The following CFAP20DC variants were observed in gnomAD, a reference collection of about 807,000 sequenced individuals.
CFAP20DC encodes protein CFAP20DC.
Under a neutral mutation model 101.7 loss-of-function variants are expected in CFAP20DC, and 84 were observed. That is an observed-to-expected ratio of 0.83 (90% CI 0.69 to 0.99). The LOEUF (loss-of-function observed/expected upper bound fraction) is 0.99, where lower values mean the gene tolerates loss of function less well. CFAP20DC is among the 50% of genes least tolerant of loss of function. The probability of loss-of-function intolerance (pLI) is 0.00; values close to 1 mark genes in which losing one functional copy is unlikely to be tolerated. For missense variants in CFAP20DC, 1,007 were observed against 970.3 expected, an observed-to-expected ratio of 1.04 and a Z score of -0.50; for synonymous variants, 359 against 351.2, an observed-to-expected ratio of 1.02 and a Z score of -0.25.
intron 5 of CFAP20DC, among the ~76,000 whole-genome samples, chr3:58,935,196 C>G (rs1478112275): frequency 1.3e-5 from 2 of 152,110 alleles, no homozygotes; most frequent in African/African-American, 4.8e-5. Context: ...GAAGAAAACA[C>G]CTAGGAATCC....
chr3:59,048,751 T>C (rs1700075267), intron 1 of CFAP20DC, among the ~76,000 whole-genome samples: 1 of 152,082 alleles, frequency 6.6e-6, no homozygotes, highest in Non-Finnish European at 1.5e-5. Flanking sequence ...GGTAGAGAAC[T>C]GATTAGATAC....
At chr3:58,928,216 C>T (rs943264630) in intron 5 of CFAP20DC, among the ~76,000 whole-genome samples, 2 of 152,122 alleles carry the variant, frequency 1.3e-5, no homozygotes, top group Non-Finnish European at 2.9e-5. Context: ...CTGGGGAAAA[C>T]AGACAAGTAA....
chr3:58,816,510 G>A (rs368326603), intron 14 of CFAP20DC, among the ~76,000 whole-genome samples: 3 of 152,164 alleles, frequency 2.0e-5, no homozygotes, highest in East Asian at 1.9e-4. Flanking sequence ...TTCCCTTTCC[G>A]AGTCAAAGAA....
intron 4 of CFAP20DC, chr3:58,953,575 G>C (rs920105419): frequency 1.3e-5 from 2 of 152,096 alleles, no homozygotes; most frequent in Admixed American, 1.3e-4. Context: ...TTGGCTTTGG[G>C]GGGAAAACAA....
At position 58,721,216 on chromosome 3, in the gene CFAP20DC, G is replaced by A. The variant is rs143745916; in HGVS notation, c.198-3588C>T. Reference sequence around the variant, plus strand: ...CTAACACAGCGTCCGGTGGATAGGAGGTACTCAATCACTATATAAATATGT... The same window carrying A: ...CTAACACAGCGTCCGGTGGATAGGAAGTACTCAATCACTATATAAATATGT... On this transcript the variant is annotated intron_variant, in intron 3 of 3. Transcript: ENST00000486145. The surrounding 1 kb of genome is among the most constrained non-coding windows in gnomAD (Gnocchi z 5.2). 1.2e-4 allele frequency among the ~76,000 whole-genome samples: 18 copies of A among 152,270 alleles called. No homozygotes were observed. The highest frequency in any genetic ancestry group is 3.6e-4 in the African/African-American group (15 of 41,546).
chr3:58,938,176 T>C (rs2087975412), intron 4 of CFAP20DC, among the ~76,000 whole-genome samples: 1 of 152,188 alleles, frequency 6.6e-6, no homozygotes, highest in Non-Finnish European at 1.5e-5. Flanking sequence ...TAAAAATGCA[T>C]CTGTCATTTT....
At chr3:58,840,841 T>C (rs1431900788) in intron 13 of CFAP20DC, among the ~76,000 whole-genome samples, 1 of 152,212 alleles carries the variant, frequency 6.6e-6, no homozygotes, top group Non-Finnish European at 1.5e-5. Context: ...ATTTTCTCCA[T>C]TTTATAGATG....
chr3:58,803,411 T>A (rs2073846815), intron 15 of CFAP20DC, among the ~76,000 whole-genome samples: 1 of 152,228 alleles, frequency 6.6e-6, no homozygotes, highest in African/African-American at 2.4e-5. Context: ...TTTCTTATAT[T>A]TTTTCATATT....
At chr3:58,787,689 C>T (rs4301027) in intron 15 of CFAP20DC, among the ~76,000 whole-genome samples, 17,621 of 151,984 alleles carry the variant, frequency 0.12, 1,813 homozygotes, top group East Asian at 0.35. Context: ...GATGCACATG[C>T]ATGTTTATTG....
At chr3:58,908,486 A>G (rs918410891) in intron 6 of CFAP20DC, among the ~76,000 whole-genome samples, 1 of 152,186 alleles carries the variant, frequency 6.6e-6, no homozygotes, top group Non-Finnish European at 1.5e-5. Flanking sequence ...GAAATATCCA[A>G]AACAGTGACA....
In CFAP20DC at chr3:59,003,941, T is replaced by C. The variant is rs185276892; in HGVS notation, c.278+35616A>G. Among the ~76,000 whole-genome samples, 565 of 152,304 alleles carry C rather than the reference T, an allele frequency of 3.7e-3. 3 individuals are homozygous for C. The highest frequency in any genetic ancestry group is 5.4e-3 in the Non-Finnish European group (365 of 68,014). On this transcript the variant is annotated intron_variant, in intron 4 of 16. Coordinates refer to ENST00000482387, the MANE Select transcript of CFAP20DC (RefSeq NM_001394063.1). ...AGAAGGAGCTCTCCTAACAGACCCA[T>C]TGGATTAATGGACACTCTTCTCTTT...
intron 14 of CFAP20DC, among the ~76,000 whole-genome samples, chr3:58,826,560 GT>G (rs1233321125): frequency 6.6e-6 from 1 of 152,134 alleles, no homozygotes; most frequent in Non-Finnish European, 1.5e-5. Context: ...GCAGTGTTTG[GT>G]TTTCTGTTCC....
At position 58,859,065 on chromosome 3, in the gene CFAP20DC, A is replaced by G. The variant is rs146526372; in HGVS notation, c.1593+4493T>C. On this transcript the variant is annotated intron_variant, in intron 12 of 16. Coordinates refer to ENST00000482387, the MANE Select transcript of CFAP20DC (RefSeq NM_001394063.1). This position sits in a 1 kb window ranked among gnomAD's most constrained non-coding sequence, Gnocchi z 4.1. The stretch of plus-strand genomic sequence containing the variant: ...TGTAGCAAATGATGAAAGTAATACA[A>G]TTTCCTCTGGGTGACAAAGATAAGT... Among the ~76,000 whole-genome samples, 110 of 152,300 alleles carry G rather than the reference A, an allele frequency of 7.2e-4. No individual in the cohort carries two copies. Among genetic ancestry groups the G allele is most frequent in the Non-Finnish European group, 1.1e-3 (75 of 68,010 alleles).
chr3:58,764,674 T>G (rs554417909), intron 15 of CFAP20DC, among the ~76,000 whole-genome samples: 1 of 152,316 alleles, frequency 6.6e-6, no homozygotes, highest in South Asian at 2.1e-4. Context: ...CACCCGACTA[T>G]AATCCTTTTA....
intron 4 of CFAP20DC, among the ~76,000 whole-genome samples, chr3:58,983,033 C>A (rs1054684105): frequency 6.6e-6 from 1 of 151,796 alleles, no homozygotes; most frequent in African/African-American, 2.4e-5. Context: ...AGGGTCTGAA[C>A]AGAAAAAGGA....
At chr3:58,754,294 A>T (rs1480861166) in intron 15 of CFAP20DC, among the ~76,000 whole-genome samples, 1 of 152,154 alleles carries the variant, frequency 6.6e-6, no homozygotes, top group African/African-American at 2.4e-5. Flanking sequence ...TCAGTCTTGG[A>T]GCTGCCATGG....
In CFAP20DC at chr3:58,915,233, G is replaced by A. The variant is rs368632328; in HGVS notation, c.394-1369C>T. ...TGGTCCCTGTCAGTCATCTAAACAC[G>A]AAGTGAGGAGGGCTGGCTAGGAAGC... On this transcript the variant is annotated intron_variant, in intron 5 of 16. Transcript: ENST00000482387. 5.3e-5 allele frequency among the ~76,000 whole-genome samples: 8 copies of A among 152,236 alleles called. No homozygotes were observed. The South Asian group carries it at 8.3e-4, about 16-fold the overall frequency.
intron 5 of CFAP20DC, among the ~76,000 whole-genome samples, chr3:58,935,593 A>G (rs2087448046): frequency 1.3e-5 from 2 of 152,178 alleles, no homozygotes; most frequent in African/African-American, 4.8e-5. Flanking sequence ...TCAATGGAAT[A>G]GAACAGAGCC....
intron 5 of CFAP20DC, among the ~76,000 whole-genome samples, chr3:58,919,330 A>T (rs2085087812): frequency 6.6e-6 from 1 of 152,078 alleles, no homozygotes; most frequent in South Asian, 2.1e-4. Context: ...TGTTTTGAAC[A>T]GTTAGATTAT....
Sources: gnomAD v4.1 joint callset for allele counts (sites outside exome capture counted in the v4.1 genomes callset) on GRCh38, gnomAD v4.1.1 for gene constraint, Gnocchi (gnomAD v3.1) non-coding constraint, MANE v1.5 for transcripts, NCBI Gene and HGNC (gene_info 2026-07-23, HGNC 2026-07-21) for gene names.